ZNF185: variants seen among roughly 807,000 people sequenced by gnomAD.
ZNF185 encodes zinc finger protein 185 with LIM domain.
ZNF185 carries 56 observed loss-of-function variants against 58.6 expected under a neutral mutation model. That is an observed-to-expected ratio of 0.95 (90% CI 0.77 to 1.19). The LOEUF (loss-of-function observed/expected upper bound fraction) is 1.19. Among genes scored for constraint, ZNF185 ranks in the 50% most tolerant of loss-of-function variants. ZNF185 has a pLI of 0.00. For synonymous variants in ZNF185, 230 were observed against 215.9 expected (o/e 1.07, Z -0.57); for missense variants, 627 against 573.5 (o/e 1.09, Z -0.95).
chrX:152,933,012 TGACA>T, intron 14 of ZNF185, 41 bp downstream of exon 15: 2 of 1,036,899 alleles, frequency 1.9e-6, no homozygotes. Context: ...ATGCCCCTGG[TGACA>T]GACCAGGGTC....
At chrX:152,924,281 GTTT>G (rs782163872) in intron 11 of ZNF185, among the ~76,000 whole-genome samples, 2 of 105,768 alleles carry the variant, frequency 1.9e-5, no homozygotes, top group African/African-American at 6.9e-5. Context: ...TACCCAGCTA[GTTT>G]TTTTTTTTTA....
At chrX:152,898,199 C>T in the ZNF185 span, among the ~76,000 whole-genome samples, 14 of 110,482 alleles carry the variant, frequency 1.3e-4, no homozygotes, top group South Asian at 4.8e-3. Context: ...TGCGACTGCC[C>T]GACCCTCCAC....
At chrX:152,958,263 G>A (rs1260074201) in intron 16 of ZNF185, among the ~76,000 whole-genome samples, 2 of 111,517 alleles carry the variant, frequency 1.8e-5, no homozygotes, top group Non-Finnish European at 3.8e-5. Flanking sequence ...AGCGTAGACA[G>A]CTCTTTCTAA....
chrX:152,947,194 AAC>A (rs1450740966), intron 16 of ZNF185, among the ~76,000 whole-genome samples: 2 of 111,252 alleles, frequency 1.8e-5, no homozygotes, highest in Non-Finnish European at 3.8e-5. Context: ...TAGCCTGGGG[AAC>A]ACAGCAAGAC....
chrX:152,929,692 C>T (rs1941586324), intron 12 of ZNF185, among the ~76,000 whole-genome samples: 1 of 112,676 alleles, frequency 8.9e-6, no homozygotes. Context: ...ACCCAGTTGT[C>T]TGCGACCGTT....
Position 152,960,126 on chromosome X carries a change from G to A in ZNF185, c.1607+230G>A, listed in dbSNP as rs184610521. Among the ~76,000 whole-genome samples, 292 of 112,334 alleles carry A rather than the reference G, an allele frequency of 2.6e-3. 1 individual carries two copies. Among genetic ancestry groups the A allele is most frequent in the African/African-American group, 8.4e-3 (259 of 30,922 alleles). ...TGTTAGACTAAGTCTGGCACAGAAA[G>A]GATGCACAGAGAACCAGGTTGTCTG... On this transcript the variant is annotated intron_variant, in intron 17 of 22. Transcript: ENST00000449285.
At chrX:152,918,985 C>T in exon 7 of ZNF185, 1 of 1,207,388 alleles carries the variant, frequency 8.3e-7, no homozygotes. Flanking sequence ...TCTCTTAGGG[C>T]ACCCTACAAT....
chrX:152,949,755 C>T (rs12557436), intron 16 of ZNF185, among the ~76,000 whole-genome samples: 25,749 of 110,443 alleles, frequency 0.23, 2,266 homozygotes, highest in South Asian at 0.39. Flanking sequence ...AGCAGAACTT[C>T]GAGGGAGAGT....
the ZNF185 span, among the ~76,000 whole-genome samples, chrX:152,899,725 T>C: frequency 8.9e-6 from 1 of 111,867 alleles, no homozygotes; most frequent in East Asian, 2.8e-4. Context: ...TCCTCAGTCC[T>C]GGAGCAGCGA....
At chrX:152,903,792 G>A in the ZNF185 span, among the ~76,000 whole-genome samples, 1 of 111,871 alleles carries the variant, frequency 8.9e-6, no homozygotes, top group South Asian at 3.8e-4. Flanking sequence ...AAGCCAGGAG[G>A]AATCCCGAGG....
intron 7 of ZNF185, among the ~76,000 whole-genome samples, chrX:152,919,467 G>A (rs1248338784): frequency 1.8e-5 from 2 of 111,438 alleles, no homozygotes; most frequent in South Asian, 3.9e-4. Context: ...CATGCCTTGG[G>A]GGTTCTGAAT....
chrX:152,904,298 C>CCCTAAATCA, the ZNF185 span, among the ~76,000 whole-genome samples: 1 of 112,100 alleles, frequency 8.9e-6, no homozygotes, highest in Admixed American at 9.4e-5. Flanking sequence ...TGCCCACGGT[C>CCCTAAATCA]CCTAAATCAC....
the ZNF185 span, among the ~76,000 whole-genome samples, chrX:152,903,263 T>C: frequency 5.1e-4 from 55 of 106,906 alleles, 1 homozygote; most frequent in African/African-American, 5.5e-4. Context: ...GTGGCAGGCG[T>C]CTGTAATCCC....
intron 22 of ZNF185, 63 bp downstream of exon 24, chrX:152,970,604 C>G (rs1556918582): frequency 1.0e-6 from 1 of 985,000 alleles, no homozygotes; most frequent in East Asian, 3.1e-5. Context: ...GAGATGCACC[C>G]TGGTCTCTCC....
chrX:152,960,773 G>A (rs2049378070), intron 17 of ZNF185, among the ~76,000 whole-genome samples: 1 of 112,654 alleles, frequency 8.9e-6, no homozygotes, highest in African/African-American at 3.2e-5. Context: ...AACTGGAGTT[G>A]TTGAACTGGA....
chrX:152,916,269 T>A (rs2125292142), intron 3 of ZNF185, among the ~76,000 whole-genome samples: 1 of 110,823 alleles, frequency 9.0e-6, no homozygotes, highest in East Asian at 2.9e-4. Context: ...CCAGCCCACA[T>A]CCCCTCCACT....
At chrX:152,922,036 C>T (rs970957884) in intron 9 of ZNF185, 137 bp from the exon 11 acceptor site, 3 of 595,467 alleles carry the variant, frequency 5.0e-6, no homozygotes, top group Non-Finnish European at 8.0e-6. Context: ...TCACTGAACC[C>T]CCAGCCTGGG....
At chrX:152,905,722 G>GT in the ZNF185 span, among the ~76,000 whole-genome samples, 1 of 109,317 alleles carries the variant, frequency 9.1e-6, no homozygotes, top group Non-Finnish European at 1.9e-5. Context: ...TTGGGGGGGG[G>GT]GCGGGGTCAC....
At chrX:152,936,218 C>T (rs1248588691) in intron 14 of ZNF185, among the ~76,000 whole-genome samples, 200 bp from the exon 16 acceptor site, 7 of 112,848 alleles carry the variant, frequency 6.2e-5, no homozygotes, top group Non-Finnish European at 1.1e-4. Context: ...CCATGATTTG[C>T]AACGCCAGAG....
Sources: allele counts gnomAD v4.1 joint callset (sites outside exome capture counted in the v4.1 genomes callset), GRCh38; gene constraint gnomAD v4.1.1; transcripts MANE v1.5; gene names NCBI Gene and HGNC (gene_info 2026-07-23, HGNC 2026-07-21).